Variants in NBAS observed in about 807,000 individuals in gnomAD.
NBAS encodes the protein NBAS subunit of NRZ tethering complex, also known as NAG/BC035112 fusion.
A neutral mutation model predicts 302.5 loss-of-function variants in NBAS; 219 were observed. The ratio of observed to expected loss-of-function variants is 0.72; its 90% CI spans 0.65 to 0.81. NBAS has a LOEUF of 0.81. NBAS is among the 30% of genes least tolerant of loss of function. The pLI is 0.00. For synonymous variants in NBAS, 1,118 were observed against 1,021.6 expected (o/e 1.09, Z -1.80); for missense variants, 2,932 against 2,841.6 (o/e 1.03, Z -0.72).
chr2:15,109,867 G>C, the NBAS span, among the ~76,000 whole-genome samples: 1 of 152,050 alleles, frequency 6.6e-6, no homozygotes, highest in Non-Finnish European at 1.5e-5. Context: ...CCTACTAAAT[G>C]TTCAATGTCT....
chr2:15,199,635 G>A (rs1665785327), intron 48 of NBAS, among the ~76,000 whole-genome samples: 1 of 151,974 alleles, frequency 6.6e-6, no homozygotes, highest in Non-Finnish European at 1.5e-5. Context: ...ATTAATACAT[G>A]GCTTTCAAAA....
intron 45 of NBAS, among the ~76,000 whole-genome samples, chr2:15,237,512 C>T (rs1667647970): frequency 6.6e-6 from 1 of 151,364 alleles, no homozygotes; most frequent in Non-Finnish European, 1.5e-5. Flanking sequence ...ACATAAAAGG[C>T]TATTTCTGAT....
chr2:15,131,960 G>A, the NBAS span, among the ~76,000 whole-genome samples: 2 of 152,152 alleles, frequency 1.3e-5, no homozygotes, highest in South Asian at 4.1e-4. Flanking sequence ...GCACCAACGA[G>A]GGATCCACCC....
intron 34 of NBAS, 82 bp downstream of exon 34, chr2:15,353,471 T>A (rs78069354): frequency 2.6e-6 from 4 of 1,535,884 alleles, no homozygotes; most frequent in South Asian, 2.3e-5. Context: ...ACTACTTTTT[T>A]AAGTGACCAC....
At chr2:15,457,633 C>A (rs1679309493) in intron 21 of NBAS, among the ~76,000 whole-genome samples, 2 of 152,172 alleles carry the variant, frequency 1.3e-5, no homozygotes, top group African/African-American at 4.8e-5. Flanking sequence ...CTCTACTCAT[C>A]CTCAATCCCT....
chr2:14,981,313 C>CA, the NBAS span, among the ~76,000 whole-genome samples: 1 of 152,176 alleles, frequency 6.6e-6, no homozygotes, highest in Non-Finnish European at 1.5e-5. Context: ...CACAGTGAAG[C>CA]AAGCCTTCAA....
chr2:14,876,215 T>C, the NBAS span, among the ~76,000 whole-genome samples: 5 of 152,252 alleles, frequency 3.3e-5, no homozygotes, highest in Non-Finnish European at 1.5e-5. Flanking sequence ...CAATAGCCTT[T>C]ACTTTTCAGG....
chr2:15,001,034 C>G, the NBAS span, among the ~76,000 whole-genome samples: 1 of 152,158 alleles, frequency 6.6e-6, no homozygotes, highest in Non-Finnish European at 1.5e-5. Flanking sequence ...GGCACCCCTC[C>G]CACAGGCAGG....
At chr2:15,111,477 CA>C in the NBAS span, among the ~76,000 whole-genome samples, 2 of 152,194 alleles carry the variant, frequency 1.3e-5, no homozygotes, top group East Asian at 3.9e-4. Flanking sequence ...GTGAAATATC[CA>C]ACAAGTATTC....
At chr2:15,022,261 C>T in the NBAS span, among the ~76,000 whole-genome samples, 1 of 152,166 alleles carries the variant, frequency 6.6e-6, no homozygotes, top group African/African-American at 2.4e-5. Flanking sequence ...GAATGGTCTA[C>T]TTTACAGTCA....
chr2:15,394,072 T>C (rs941032137), intron 28 of NBAS, among the ~76,000 whole-genome samples, 155 bp downstream of exon 28: 1 of 152,142 alleles, frequency 6.6e-6, no homozygotes, highest in African/African-American at 2.4e-5. Flanking sequence ...CCCATGGCTA[T>C]ACACACATAT....
At chr2:14,809,070 T>G in the NBAS span, among the ~76,000 whole-genome samples, 2 of 152,152 alleles carry the variant, frequency 1.3e-5, no homozygotes, top group Non-Finnish European at 2.9e-5. Context: ...CAAGATGTGA[T>G]TTGGGTGCTG....
chr2:15,554,214 C>T (rs1438498152), intron 3 of NBAS, 76 bp from the exon 4 acceptor site: 4 of 1,165,220 alleles, frequency 3.4e-6, no homozygotes, highest in Non-Finnish European at 5.1e-6. Context: ...AGCACATATA[C>T]TTATAGAGAG....
At chr2:15,421,685 G>A (rs1483858743) in intron 23 of NBAS, among the ~76,000 whole-genome samples, 1 of 151,192 alleles carries the variant, frequency 6.6e-6, no homozygotes, top group East Asian at 1.9e-4. Flanking sequence ...CAAGCCAACT[G>A]AAGTCCTCCA....
the NBAS span, among the ~76,000 whole-genome samples, chr2:14,799,200 A>T: frequency 6.6e-6 from 1 of 152,018 alleles, no homozygotes; most frequent in African/African-American, 2.4e-5. Context: ...TCATAAATTT[A>T]CCTCTAAATT....
intron 9 of NBAS, among the ~76,000 whole-genome samples, chr2:15,526,092 T>C (rs1662899926): frequency 6.6e-6 from 1 of 152,030 alleles, no homozygotes; most frequent in South Asian, 2.1e-4. Flanking sequence ...AATTAGGCTA[T>C]AATCTATGCT....
intron 48 of NBAS, among the ~76,000 whole-genome samples, chr2:15,201,820 A>G (rs1281712001): frequency 1.3e-5 from 2 of 152,226 alleles, no homozygotes; most frequent in Admixed American, 6.5e-5. Context: ...TTGACCTTGC[A>G]CAGCTCATAT....
At chr2:14,879,947 GA>G in the NBAS span, among the ~76,000 whole-genome samples, 1 of 152,148 alleles carries the variant, frequency 6.6e-6, no homozygotes, top group Non-Finnish European at 1.5e-5. Flanking sequence ...AGCAATTGGA[GA>G]AGCTATAGGA....
chr2:15,360,293 T>C (rs1427185190), intron 32 of NBAS, among the ~76,000 whole-genome samples: 1 of 150,880 alleles, frequency 6.6e-6, no homozygotes, highest in Non-Finnish European at 1.5e-5. Flanking sequence ...ATATTTTTCT[T>C]TCTTCAGTAA....
Sources: allele counts gnomAD v4.1 joint callset (sites outside exome capture counted in the v4.1 genomes callset), GRCh38; gene constraint gnomAD v4.1.1; transcripts MANE v1.5; gene names NCBI Gene and HGNC (gene_info 2026-07-23, HGNC 2026-07-21).